EXOC6B: variants seen among roughly 807,000 people sequenced by gnomAD.
EXOC6B encodes the protein SEC15 homolog B.
A neutral mutation model predicts 113.5 loss-of-function variants in EXOC6B; 54 were observed. The observed-to-expected ratio is 0.48, with a 90% confidence interval of 0.38 to 0.60. The LOEUF (loss-of-function observed/expected upper bound fraction) is 0.60, where lower values mean the gene tolerates loss of function less well. EXOC6B is among the 20% of genes least tolerant of loss of function. The probability of loss-of-function intolerance (pLI) is 0.00; values close to 1 mark genes in which losing one functional copy is unlikely to be tolerated. For synonymous variants in EXOC6B, 357 were observed against 339.0 expected (o/e 1.05, Z -0.58); for missense variants, 797 against 977.5 (o/e 0.82, Z 2.46).
intron 18 of EXOC6B, among the ~76,000 whole-genome samples, chr2:72,381,993 T>A (rs1691703597): frequency 6.6e-6 from 1 of 152,186 alleles, no homozygotes; most frequent in Non-Finnish European, 1.5e-5. Flanking sequence ...TAAATTTTCC[T>A]CATCTCCATG....
intron 6 of EXOC6B, among the ~76,000 whole-genome samples, chr2:72,688,860 G>C (rs766382601): frequency 3.3e-5 from 5 of 152,138 alleles, no homozygotes; most frequent in Non-Finnish European, 7.4e-5. Flanking sequence ...ACATTATCAA[G>C]CACTTTTACC....
At chr2:72,500,971 C>T (rs1700289070) in intron 11 of EXOC6B, among the ~76,000 whole-genome samples, 1 of 152,080 alleles carries the variant, frequency 6.6e-6, no homozygotes. Flanking sequence ...AAACTAGTAT[C>T]GATACCAAAT....
At chr2:72,710,356 C>T (rs1679192869) in intron 6 of EXOC6B, among the ~76,000 whole-genome samples, 1 of 151,860 alleles carries the variant, frequency 6.6e-6, no homozygotes, top group Non-Finnish European at 1.5e-5. Flanking sequence ...TGCTTTTTCA[C>T]TGAAGTCAGG....
intron 1 of EXOC6B, among the ~76,000 whole-genome samples, chr2:72,755,358 T>C (rs1682345164): frequency 6.6e-6 from 1 of 152,160 alleles, no homozygotes; most frequent in Non-Finnish European, 1.5e-5. Context: ...GAACACTCTA[T>C]ACAGTAATGA....
intron 6 of EXOC6B, among the ~76,000 whole-genome samples, chr2:72,619,179 C>CAGAGAGAGAGAG (rs139874004): frequency 6.2e-5 from 9 of 145,894 alleles, no homozygotes; most frequent in African/African-American, 2.0e-4. Flanking sequence ...AATACACAGC[C>CAGAGAGAGAGAG]AGAGAGAGAG....
chr2:72,540,973 A>G (rs1378043236), intron 8 of EXOC6B, among the ~76,000 whole-genome samples: 1 of 152,022 alleles, frequency 6.6e-6, no homozygotes, highest in Non-Finnish European at 1.5e-5. Context: ...GCTTTTCTTT[A>G]TCTTTTGTGA....
chr2:72,772,301 A>G (rs1683450334), intron 1 of EXOC6B, among the ~76,000 whole-genome samples: 1 of 152,028 alleles, frequency 6.6e-6, no homozygotes, highest in Non-Finnish European at 1.5e-5. Context: ...CCAGTGACCT[A>G]AGGCTCCAGG....
rs1373950507 is a variant in EXOC6B at position 72,813,851 on chromosome 2, A to G, written c.113+11947T>C. ...TGTGATGATTCTTGCTCGTTTAGAT[A>G]TTTCACTGGACAATGTGTGTTTTAA... On this transcript the variant is annotated intron_variant, in intron 1 of 21. Coordinates refer to ENST00000272427, the MANE Select transcript of EXOC6B (RefSeq NM_015189.3). 3.0e-4 allele frequency among the ~76,000 whole-genome samples: 46 copies of G among 152,212 alleles called. 1 individual carries two copies. Among genetic ancestry groups the G allele is most frequent in the Admixed American group, 3.0e-3 (46 of 15,282 alleles).
intron 20 of EXOC6B, among the ~76,000 whole-genome samples, chr2:72,283,653 A>C (rs1685259587): frequency 6.6e-6 from 1 of 152,064 alleles, no homozygotes; most frequent in African/African-American, 2.4e-5. Context: ...AATTCTTCTG[A>C]GTCTCAGCAG....
chr2:72,670,547 A>T (rs546035038), intron 6 of EXOC6B, among the ~76,000 whole-genome samples: 112 of 152,284 alleles, frequency 7.4e-4, no homozygotes, highest in African/African-American at 2.6e-3. Context: ...GATAAGTTTG[A>T]TCATGCCCCT....
At chr2:72,336,536 C>T (rs114149973) in intron 19 of EXOC6B, among the ~76,000 whole-genome samples, 1,528 of 147,828 alleles carry the variant, frequency 0.01, 27 homozygotes, top group African/African-American at 0.035. Flanking sequence ...TAACAATATA[C>T]ACAATTCTTA....
chr2:72,614,342 G>GGGGCA (rs1376980704), intron 6 of EXOC6B, among the ~76,000 whole-genome samples: 1 of 152,100 alleles, frequency 6.6e-6, no homozygotes, highest in Non-Finnish European at 1.5e-5. Flanking sequence ...TCATGAAACA[G>GGGGCA]GGGCAGGGCA....
intron 20 of EXOC6B, among the ~76,000 whole-genome samples, chr2:72,243,568 G>A (rs1008991921): frequency 1.3e-5 from 2 of 152,116 alleles, no homozygotes; most frequent in Non-Finnish European, 2.9e-5. Flanking sequence ...ACAGGGTGGG[G>A]AACATCACTC....
intron 5 of EXOC6B, among the ~76,000 whole-genome samples, chr2:72,727,988 T>C (rs1367924266): frequency 6.6e-6 from 1 of 152,038 alleles, no homozygotes; most frequent in African/African-American, 2.4e-5. Flanking sequence ...AATTCACTAA[T>C]AATCTAATAA....
intron 20 of EXOC6B, 38 bp from the exon 21 acceptor site, chr2:72,184,225 G>A: frequency 9.3e-7 from 1 of 1,080,186 alleles, no homozygotes; most frequent in Non-Finnish European, 1.4e-6. Flanking sequence ...GGATTAGTCA[G>A]ACAGACAAGA....
chr2:72,458,109 C>T (rs1418254179), intron 18 of EXOC6B, among the ~76,000 whole-genome samples: 2 of 152,092 alleles, frequency 1.3e-5, no homozygotes, highest in Admixed American at 1.3e-4. Context: ...TCTTTCCAGT[C>T]CTCTCTATAT....
intron 18 of EXOC6B, among the ~76,000 whole-genome samples, chr2:72,402,761 C>T (rs1693422464): frequency 6.6e-6 from 1 of 152,124 alleles, no homozygotes; most frequent in Admixed American, 6.5e-5. Context: ...AACTCTGGAA[C>T]TCAGATCCCC....
chr2:72,226,820 T>A (rs1038695185), intron 20 of EXOC6B, among the ~76,000 whole-genome samples: 4 of 152,190 alleles, frequency 2.6e-5, no homozygotes, highest in Admixed American at 2.6e-4. Context: ...AGGTACAGTA[T>A]GTGAACAGCC....
In EXOC6B at chr2:72,377,585, A is replaced by G. The variant is rs561348803; in HGVS notation, c.2122+2144T>C. 2.6e-5 allele frequency among the ~76,000 whole-genome samples: 4 copies of G among 152,294 alleles called. No individual in the cohort carries two copies. The East Asian group carries it at 7.7e-4, about 29-fold the overall frequency. Reference sequence around the variant, plus strand: ...CAACATGGATGAACCTGGAGGACCTAATGTTTAGTAAGAAAAGGCACAGAA... The same window carrying G: ...CAACATGGATGAACCTGGAGGACCTGATGTTTAGTAAGAAAAGGCACAGAA... On this transcript the variant is annotated intron_variant, in intron 19 of 21. Coordinates refer to ENST00000272427, the MANE Select transcript of EXOC6B (RefSeq NM_015189.3).
Sources: gnomAD v4.1 joint callset for allele counts (sites outside exome capture counted in the v4.1 genomes callset) on GRCh38, gnomAD v4.1.1 for gene constraint, MANE v1.5 for transcripts, NCBI Gene and HGNC (gene_info 2026-07-23, HGNC 2026-07-21) for gene names.